Variants in NBPF9 observed in about 807,000 individuals in gnomAD.
NBPF9 encodes the protein NBPF family member NBPF9.
Under a neutral mutation model 97.8 loss-of-function variants are expected in NBPF9, and 91 were observed. The observed-to-expected ratio is 0.93, with a 90% CI of 0.79 to 1.11. NBPF9 has a LOEUF of 1.11. Among genes scored for constraint, NBPF9 ranks in the 50% least tolerant of loss-of-function variants. NBPF9 has a pLI of 0.00. For synonymous variants in NBPF9, 334 were observed against 359.5 expected (o/e 0.93, Z 0.80); for missense variants, 992 against 939.5 (o/e 1.06, Z -0.73).
At chr1:149,099,034 A>C (rs1318013212) in intron 3 of NBPF9, among the ~76,000 whole-genome samples, 2 of 147,214 alleles carry the variant, frequency 1.4e-5, no homozygotes, top group African/African-American at 2.5e-5. Flanking sequence ...CTATGATGGC[A>C]CCACTGAACT....
rs587711259 is a variant in NBPF9 at position 149,055,602 on chromosome 1, G to T, written c.*54C>A. 2.2e-5 allele frequency: 35 copies of T among 1,599,142 alleles called. No homozygotes were observed. In the African/African-American group the frequency reaches 2.4e-4, roughly 11 times the overall value. On this transcript the variant is annotated 3_prime_UTR_variant, in exon 30 of 30. Coordinates refer to ENST00000584027, the Ensembl canonical transcript of NBPF9. ...ACTGTACTTTCATTCAAAACTTCAC[G>T]TGCCTATAGGTCCTGCCTGCAGGAA...
chr1:149,094,219 C>T (rs1199422056), intron 4 of NBPF9, among the ~76,000 whole-genome samples: 1 of 146,990 alleles, frequency 6.8e-6, no homozygotes, highest in Non-Finnish European at 1.5e-5. Context: ...ATTTTAATAG[C>T]AGATTTTAAA....
chr1:149,055,315 G>C lies in NBPF9; in HGVS notation c.*341C>G, dbSNP rs587657790. The C allele has an allele frequency of 6.6e-6, 3 of 457,924 alleles. No individual in the cohort carries two copies. The South Asian group carries it at 7.2e-5, about 11-fold the overall frequency. 28.4% of individuals were successfully genotyped at this position (457,924 alleles called of 1,614,324 possible). ...ATGAGCTAAACACAAAGATGACAAT[G>C]ACCTTGAGCAGGTATAGAAGCTCAG... On this transcript the variant is annotated 3_prime_UTR_variant, in exon 30 of 30. Transcript: ENST00000584027.
At chr1:149,069,994 A>G (rs587713341) in intron 16 of NBPF9, among the ~76,000 whole-genome samples, 5 of 135,116 alleles carry the variant, frequency 3.7e-5, no homozygotes, top group Middle Eastern at 3.4e-3. Context: ...TAACATGGAC[A>G]TTAAATGTTT....
At chr1:149,064,786 C>G in intron 18 of NBPF9, 2 of 593,550 alleles carry the variant, frequency 3.4e-6, no homozygotes, top group South Asian at 2.0e-5. Flanking sequence ...ATAGTTCTAA[C>G]ACCTCATAGG....
chr1:149,073,014 CAG>C (rs1553653347), intron 13 of NBPF9, 82 bp from the exon 14 acceptor site: 1 of 1,502,604 alleles, frequency 6.7e-7, no homozygotes, highest in African/African-American at 1.4e-5. Context: ...ATTTCTGAAA[CAG>C]TGTCCTCAAG....
intron 5 of NBPF9, among the ~76,000 whole-genome samples, chr1:149,089,787 A>G (rs2081296745): frequency 6.6e-6 from 1 of 152,306 alleles, no homozygotes. Context: ...TGCCTTTCTA[A>G]TTTGACATAA....
rs1553651121 is a variant in NBPF9 at position 149,064,415 on chromosome 1, A to C, written c.1853+16T>G. ...TGTCAACATCAAATTAACTGTCCAC[A>C]ATTTCTCAGACTCACCTGGGACCTG... On this transcript the variant is annotated intron_variant, in intron 19 of 29. Transcript: ENST00000584027. The C allele has an allele frequency of 2.1e-6, 2 of 966,284 alleles. 1 individual carries two copies. The allele number at this position is 966,284 out of a possible 1,614,324, so 59.9% of individuals were successfully genotyped here.
intron 12 of NBPF9, among the ~76,000 whole-genome samples, chr1:149,074,826 T>C (rs2079715697): frequency 6.6e-6 from 1 of 151,280 alleles, no homozygotes; most frequent in African/African-American, 2.4e-5. Flanking sequence ...ATTATTATTA[T>C]TATTTTTACC....
At position 149,074,906 on chromosome 1, in the gene NBPF9, G is replaced by T. The variant is rs2079725967; in HGVS notation, c.988+749C>A. Among the ~76,000 whole-genome samples, 2 of 151,056 alleles carry T rather than the reference G, an allele frequency of 1.3e-5. 1 individual carries two copies. The highest frequency in any genetic ancestry group is 3.0e-5 in the Non-Finnish European group (2 of 67,646). On this transcript the variant is annotated intron_variant, in intron 12 of 29. Transcript: ENST00000584027. ...GGCTCACTGCAACCTCAGCCTCCTG[G>T]GTTCAAAGGATTCTCCTGCCTCAGC... is the stretch of plus-strand genomic sequence containing the variant.
At chr1:149,079,553 C>T (rs1348173407) in intron 8 of NBPF9, among the ~76,000 whole-genome samples, 1 of 148,484 alleles carries the variant, frequency 6.7e-6, no homozygotes, top group Non-Finnish European at 1.5e-5. Context: ...TGAAAATACA[C>T]ATAGTGCATC....
intron 16 of NBPF9, among the ~76,000 whole-genome samples, chr1:149,070,465 A>T (rs1371972232): frequency 6.6e-6 from 1 of 151,794 alleles, no homozygotes; most frequent in Non-Finnish European, 1.5e-5. Context: ...TTCCGTCCTG[A>T]TTTCAGGGTG....
At position 149,101,388 on chromosome 1, in the gene NBPF9, A is replaced by G; in HGVS notation, c.-723-9T>C. On this transcript the variant is annotated splice_polypyrimidine_tract_variant and intron_variant, in intron 2 of 29. Transcript: ENST00000584027. Reference sequence around the variant, plus strand: ...GGGCAACAGAGTGAGATCTTGTCTCAAAAAGAAAAAAAAAAGTTAGAGAAT... The same window carrying G: ...GGGCAACAGAGTGAGATCTTGTCTCGAAAAGAAAAAAAAAAGTTAGAGAAT... 1 of 146,210 alleles carries G rather than the reference A, an allele frequency of 6.8e-6. No individual in the cohort carries two copies. The highest frequency in any genetic ancestry group is 1.5e-5 in the Non-Finnish European group (1 of 66,602). The allele number at this position is 146,210 out of a possible 1,614,324, so 9.1% of individuals were successfully genotyped here.
chr1:149,077,912 ATCC>A (rs1443464294), exon 10 of NBPF9: 2 of 1,483,578 alleles, frequency 1.3e-6, no homozygotes, highest in Non-Finnish European at 1.9e-6. Flanking sequence ...GTACTTTCTC[ATCC>A]TCCTCAACTT....
intron 11 of NBPF9, among the ~76,000 whole-genome samples, chr1:149,076,564 A>C (rs1553654411): frequency 1.3e-5 from 2 of 148,520 alleles, no homozygotes; most frequent in East Asian, 3.9e-4. Context: ...GTGCAGTGGC[A>C]CAATCTCGGC....
rs587694136 is a variant in NBPF9 at position 149,071,321 on chromosome 1, G to A, written c.1380-182C>T. Among the ~76,000 whole-genome samples, 763 of 151,756 alleles carry A rather than the reference G, an allele frequency of 5.0e-3. 7 individuals carry two copies. The highest frequency in any genetic ancestry group is 7.5e-3 in the Non-Finnish European group (509 of 67,968). ...TCTGCAACAGACCATGGCTGCCATGGGAACCAGAGAGGAAGAGAGCAGCTG... is the reference window on the plus strand; with the variant it reads ...TCTGCAACAGACCATGGCTGCCATGAGAACCAGAGAGGAAGAGAGCAGCTG... On this transcript the variant is annotated intron_variant, in intron 15 of 29. Transcript: ENST00000584027.
exon 30 of NBPF9, chr1:149,054,237 C>A (rs1247998627): frequency 8.1e-6 from 1 of 124,114 alleles, no homozygotes; most frequent in Non-Finnish European, 1.7e-5. Context: ...ACAGCAGACA[C>A]TAGTAAAAAC....
At chr1:149,058,835 T>G (rs2078412107) in intron 26 of NBPF9, 90 bp downstream of exon 26, 4 of 711,530 alleles carry the variant, frequency 5.6e-6, no homozygotes, top group Non-Finnish European at 1.0e-5. Context: ...ATGACATCTC[T>G]CAGGTCAGTA....
At chr1:149,060,980 A>G in intron 23 of NBPF9, 1 of 415,744 alleles carries the variant, frequency 2.4e-6, no homozygotes, top group Non-Finnish European at 4.3e-6. Context: ...CACACTGATG[A>G]GGGAGTAACA....
Sources: allele counts gnomAD v4.1 joint callset (sites outside exome capture counted in the v4.1 genomes callset), GRCh38; gene constraint gnomAD v4.1.1; transcripts MANE v1.5; gene names NCBI Gene and HGNC (gene_info 2026-07-23, HGNC 2026-07-21).